Variants in SMYD3 observed in about 807,000 individuals in gnomAD.
SMYD3 encodes histone-lysine N-methyltransferase SMYD3.
A neutral mutation model predicts 57.7 loss-of-function variants in SMYD3; 36 were observed. That is an observed-to-expected ratio of 0.62 (90% CI 0.48 to 0.82). The LOEUF is 0.82. Ranked by LOEUF, SMYD3 falls within the 40% of genes least tolerant of loss-of-function variation. SMYD3 has a pLI of 0.00. For missense variants in SMYD3, 515 were observed against 538.8 expected (o/e 0.96, Z 0.44); for synonymous variants, 211 against 195.0 (o/e 1.08, Z -0.68).
At chr1:246,042,295 G>T (rs2148297458) in intron 5 of SMYD3, among the ~76,000 whole-genome samples, 1 of 152,254 alleles carries the variant, frequency 6.6e-6, no homozygotes, top group African/African-American at 2.4e-5. Flanking sequence ...TAAGAATGGA[G>T]AGAAACTAAG....
intron 5 of SMYD3, among the ~76,000 whole-genome samples, chr1:246,255,687 C>G (rs1456559606): frequency 6.6e-6 from 1 of 150,910 alleles, no homozygotes; most frequent in Non-Finnish European, 1.5e-5. Flanking sequence ...GTAACACTGG[C>G]TTGGTATAGT....
chr1:245,807,541 A>C (rs539255793), intron 10 of SMYD3, among the ~76,000 whole-genome samples: 1 of 152,332 alleles, frequency 6.6e-6, no homozygotes, highest in East Asian at 1.9e-4. Flanking sequence ...CAGCAGAGAG[A>C]GAATTACCGG....
At chr1:246,476,364 C>T (rs527498790) in intron 1 of SMYD3, among the ~76,000 whole-genome samples, 32 of 152,274 alleles carry the variant, frequency 2.1e-4, no homozygotes, top group Admixed American at 2.1e-3. Context: ...GCCTCTATGC[C>T]TCTCGGGCTT....
At chr1:246,350,205 C>A (rs1019431860) in intron 2 of SMYD3, among the ~76,000 whole-genome samples, 1 of 152,184 alleles carries the variant, frequency 6.6e-6, no homozygotes, top group Non-Finnish European at 1.5e-5. Context: ...TGTGCTCACC[C>A]CAATCACATT....
At chr1:245,931,503 C>A (rs535135913) in intron 5 of SMYD3, among the ~76,000 whole-genome samples, 1 of 152,214 alleles carries the variant, frequency 6.6e-6, no homozygotes, top group South Asian at 2.1e-4. Context: ...GAGAGCAAGT[C>A]CAACAGTTCT....
chr1:246,466,867 A>T lies in SMYD3; in HGVS notation c.164+40187T>A, dbSNP rs528620185. Among the ~76,000 whole-genome samples the T allele has an allele frequency of 4.6e-3, 707 of 152,076 alleles. 5 individuals carry two copies. Among genetic ancestry groups the T allele is most frequent in the Non-Finnish European group, 7.9e-3 (537 of 67,988 alleles). ...TGTCTCAAAAAGAATAATAATTTTT[A>T]AAATTTTTTTTTTAAAAATGCTGGG... On this transcript the variant is annotated intron_variant, in intron 1 of 11. Transcript: ENST00000490107.
intron 5 of SMYD3, among the ~76,000 whole-genome samples, chr1:246,296,457 A>G (rs1486755299): frequency 6.6e-6 from 1 of 152,212 alleles, no homozygotes; most frequent in Non-Finnish European, 1.5e-5. Context: ...TACATTCATG[A>G]CAGAAGAAAC....
chr1:245,797,502 A>G lies in SMYD3; in HGVS notation c.1077-33353T>C, dbSNP rs572941121. On this transcript the variant is annotated intron_variant, in intron 10 of 11. Transcript: ENST00000490107. ...GAGAACGCTTGGACACAGGAAGGGG[A>G]ACATCACACACTGGGGCCTGTGGTG... Among the ~76,000 whole-genome samples the G allele has an allele frequency of 3.0e-5, 4 of 132,952 alleles. No individual in the cohort carries two copies. In the East Asian group the frequency reaches 9.9e-4, roughly 33 times the overall value. 87.2% of individuals were successfully genotyped at this position (132,952 alleles called of 152,430 possible).
At chr1:245,797,737 C>T (rs12130000) in intron 10 of SMYD3, among the ~76,000 whole-genome samples, 1 of 149,422 alleles carries the variant, frequency 6.7e-6, no homozygotes, top group African/African-American at 2.5e-5. Flanking sequence ...ACGGCCAACT[C>T]TAAGGAGATT....
intron 5 of SMYD3, among the ~76,000 whole-genome samples, chr1:246,164,444 A>G (rs925724078): frequency 1.3e-5 from 2 of 152,192 alleles, no homozygotes; most frequent in South Asian, 2.1e-4. Context: ...TAAATAGATA[A>G]ATAAATAAAT....
chr1:246,110,090 C>T (rs12063895), intron 5 of SMYD3, among the ~76,000 whole-genome samples: 9,350 of 152,264 alleles, frequency 0.061, 334 homozygotes, highest in Non-Finnish European at 0.07. Flanking sequence ...TGTACACTTA[C>T]ACCAAAACTG....
In SMYD3 at chr1:245,871,484, G is replaced by A. The variant is rs150062563; in HGVS notation, c.814-7598C>T. ...TATATCAACTACAGACCAGTCAGTG[G>A]ACATTATAGGCTGGGGAATAAGGAA... is the stretch of plus-strand genomic sequence containing the variant. On this transcript the variant is annotated intron_variant, in intron 8 of 11. Transcript: ENST00000490107. 5.1e-4 allele frequency among the ~76,000 whole-genome samples: 77 copies of A among 152,322 alleles called. 2 individuals are homozygous for A. In the East Asian group the frequency reaches 0.014, roughly 28 times the overall value.
chr1:246,232,518 CT>C (rs1270615726), intron 5 of SMYD3, among the ~76,000 whole-genome samples: 62 of 149,428 alleles, frequency 4.1e-4, no homozygotes, highest in Non-Finnish European at 7.2e-4. Context: ...AGAAGCACTC[CT>C]TCAATCCACA....
At chr1:246,093,586 G>A (rs1360997632) in intron 5 of SMYD3, among the ~76,000 whole-genome samples, 1 of 152,128 alleles carries the variant, frequency 6.6e-6, no homozygotes, top group Non-Finnish European at 1.5e-5. Context: ...GAGAGTAGAG[G>A]GGTGGTTATC....
At chr1:245,796,443 G>A (rs1177386607) in intron 10 of SMYD3, among the ~76,000 whole-genome samples, 1 of 151,952 alleles carries the variant, frequency 6.6e-6, no homozygotes, top group Admixed American at 6.5e-5. Flanking sequence ...ACCCTGCCAG[G>A]ACCTACTTTA....
intron 5 of SMYD3, among the ~76,000 whole-genome samples, chr1:246,297,271 G>A (rs1377149062): frequency 6.6e-6 from 1 of 152,278 alleles, no homozygotes; most frequent in African/African-American, 2.4e-5. Context: ...TATCTTCAAA[G>A]TCATAAAAGA....
At chr1:246,450,976 C>T (rs2067624240) in intron 1 of SMYD3, among the ~76,000 whole-genome samples, 1 of 152,186 alleles carries the variant, frequency 6.6e-6, no homozygotes, top group Admixed American at 6.5e-5. Flanking sequence ...ATGCATATTA[C>T]CACATTTGGA....
At chr1:246,415,821 T>C (rs2102991536) in intron 1 of SMYD3, among the ~76,000 whole-genome samples, 1 of 152,334 alleles carries the variant, frequency 6.6e-6, no homozygotes, top group East Asian at 1.9e-4. Flanking sequence ...ACCACTAGTC[T>C]ATATAGTTTA....
intron 1 of SMYD3, among the ~76,000 whole-genome samples, chr1:246,497,665 C>A (rs1354286632): frequency 6.6e-6 from 1 of 151,962 alleles, no homozygotes; most frequent in Non-Finnish European, 1.5e-5. Flanking sequence ...GGGAGGACAG[C>A]CTCCTAGGGA....
Sources: allele counts gnomAD v4.1 joint callset (sites outside exome capture counted in the v4.1 genomes callset), GRCh38; gene constraint gnomAD v4.1.1; transcripts MANE v1.5; gene names NCBI Gene and HGNC (gene_info 2026-07-23, HGNC 2026-07-21).